ARFGEF3: variants seen among roughly 807,000 people sequenced by gnomAD.
ARFGEF3 encodes brefeldin A-inhibited guanine nucleotide-exchange protein 3.
In ARFGEF3, 96 loss-of-function variants were observed where a neutral mutation model predicts 221.7. The observed-to-expected ratio is 0.43, with a 90% CI of 0.37 to 0.51. ARFGEF3 has a LOEUF of 0.51. Among genes scored for constraint, ARFGEF3 ranks in the 20% least tolerant of loss-of-function variants. The pLI is 0.00. For synonymous variants in ARFGEF3, 1,145 were observed against 1,126.8 expected (o/e 1.02, Z -0.32); for missense variants, 2,410 against 2,789.9 (o/e 0.86, Z 3.07).
chr6:138,215,147 T>C (rs1164404329), intron 4 of ARFGEF3, among the ~76,000 whole-genome samples: 1 of 152,226 alleles, frequency 6.6e-6, no homozygotes, highest in Non-Finnish European at 1.5e-5. Flanking sequence ...TCTAATGACT[T>C]CTCTGACGAG....
chr6:138,286,219 G>A (rs1036643793), intron 15 of ARFGEF3, among the ~76,000 whole-genome samples, 166 bp downstream of exon 15: 6 of 152,220 alleles, frequency 3.9e-5, no homozygotes, highest in African/African-American at 1.2e-4. Flanking sequence ...GGGAGGCCGA[G>A]GCGGGCAGAT....
At chr6:138,319,383 T>C (rs937505247) in intron 27 of ARFGEF3, among the ~76,000 whole-genome samples, 2 of 151,972 alleles carry the variant, frequency 1.3e-5, no homozygotes, top group Non-Finnish European at 2.9e-5. Flanking sequence ...TTTCAAAGGG[T>C]ATTTTCTTAT....
Position 138,278,548 on chromosome 6 carries a change from G to C in ARFGEF3, c.2226G>C (p.Leu742=), listed in dbSNP as rs1779139634. ...DSLYTAAHCA[L]LLNLKLSHGD... ...TCTACACAGCTGCACACTGCGCCCT[G>C]CTCCTCAACCTGAAGCTCTCCCACG... is the stretch of plus-strand genomic sequence containing the variant. Residue 742 remains leucine, a synonymous_variant, in exon 13 of 34, where the codon CTG becomes CTC. Coordinates refer to ENST00000251691, the MANE Select transcript of ARFGEF3 (RefSeq NM_020340.5). The C allele has an allele frequency of 3.7e-6, 6 of 1,613,826 alleles. No homozygotes were observed. The highest frequency in any genetic ancestry group is 5.1e-6 in the Non-Finnish European group (6 of 1,179,898).
chr6:138,263,411 C>T lies in ARFGEF3; in HGVS notation c.1928C>T (p.Thr643Ile). 1.2e-6 allele frequency: 2 copies of T among 1,614,004 alleles called. No homozygotes were observed. The highest frequency in any genetic ancestry group is 1.7e-6 in the Non-Finnish European group (2 of 1,179,896). The change falls in exon 12 of 34, where the codon ACA becomes ATA. Residue 643 changes from threonine to isoleucine, a missense_variant. By Grantham distance (89) the Thr-to-Ile change is moderately conservative. Around this residue, in one of 5 missense-constraint regions of ARFGEF3, gnomAD observed 594 missense variants for 734.3 expected, o/e 0.81. Coordinates refer to ENST00000251691, the MANE Select transcript of ARFGEF3 (RefSeq NM_020340.5). ...DNCSLADEEQ[T>I]PRDCLGHRSL... The stretch of plus-strand genomic sequence containing the variant: ...TGTTCACTAGCCGATGAAGAGCAGA[C>T]ACCCCGGGACTGCCTAGGCCACCGG...
In ARFGEF3 at chr6:138,292,045, A is replaced by G. The variant is rs1235065435; in HGVS notation, c.3360A>G (p.Gln1120=). The change falls in exon 19 of 34, where the codon CAA becomes CAG. Residue 1120 remains glutamine (Q), a synonymous_variant. Coordinates refer to ENST00000251691, the MANE Select transcript of ARFGEF3 (RefSeq NM_020340.5). ...AGGTGGTGCTCACCCTCTCCACGCA[A>G]GCCGACAGGTGCGCGGCGCCGGCCT... The part of the protein sequence containing the change: ...AAKVVLTLST[Q]ADRLFEDATD... The G allele has an allele frequency of 4.8e-6, 7 of 1,444,402 alleles. No homozygotes were observed. The allele number at this position is 1,444,402 out of a possible 1,614,324, so 89.5% of individuals were successfully genotyped here. A position where few individuals can be genotyped will look rare whatever the true frequency, so the allele number is the denominator to read the frequency against.
Position 138,289,988 on chromosome 6 carries a change from C to A in ARFGEF3, c.3047+20C>A, listed in dbSNP as rs921220664. ...GTTCAGGTGCATGACGGGCTCCCAC[C>A]CCCAGATGGCACTAACCCTGCCTTG... On this transcript the variant is annotated intron_variant, in intron 18 of 33. Coordinates refer to ENST00000251691, the MANE Select transcript of ARFGEF3 (RefSeq NM_020340.5). 1.9e-6 allele frequency: 3 copies of A among 1,598,888 alleles called. No homozygotes were observed. Among genetic ancestry groups the A allele is most frequent in the African/African-American group, 2.7e-5 (2 of 74,550 alleles).
intron 2 of ARFGEF3, among the ~76,000 whole-genome samples, chr6:138,206,561 A>G (rs151059339): frequency 6.6e-6 from 1 of 152,304 alleles, no homozygotes; most frequent in Non-Finnish European, 1.5e-5. Context: ...GGAATTGACA[A>G]ACTAATAGAA....
At chr6:138,256,663 A>G (rs1228133777) in intron 10 of ARFGEF3, among the ~76,000 whole-genome samples, 1 of 152,250 alleles carries the variant, frequency 6.6e-6, no homozygotes, top group East Asian at 1.9e-4. Context: ...ATGACTGTTA[A>G]GAAAATCTAT....
At chr6:138,285,057 C>T (rs1369894380) in intron 14 of ARFGEF3, among the ~76,000 whole-genome samples, 1 of 152,184 alleles carries the variant, frequency 6.6e-6, no homozygotes, top group Non-Finnish European at 1.5e-5. Flanking sequence ...TTTTGTGGTG[C>T]AGGACTCTGT....
rs770643961 is a variant in ARFGEF3 at position 138,170,700 on chromosome 6, C to T, written c.124C>T (p.Pro42Ser). 35 of 1,580,986 alleles carry T rather than the reference C, an allele frequency of 2.2e-5. 1 individual carries two copies. The South Asian group carries it at 3.7e-4, about 17-fold the overall frequency. The change falls in exon 2 of 34, where the codon CCA becomes TCA. Residue 42 changes from proline (P) to serine (S), a missense_variant. By Grantham distance (74) the Pro-to-Ser change is moderately conservative. Around this residue, in one of 5 missense-constraint regions of ARFGEF3, gnomAD observed 570 missense variants for 586.9 expected, o/e 0.97. Transcript: ENST00000251691. The part of the protein sequence containing the change: ...GGLDTIVKIP[P>S]HVLREKCLLP... ...TCTGGATACCATTGTCAAGATCCCT[C>T]CACATGTACTGAGGTAGGAGATGGA...
At chr6:138,253,255 G>A (rs2114573446) in intron 8 of ARFGEF3, among the ~76,000 whole-genome samples, 1 of 152,008 alleles carries the variant, frequency 6.6e-6, no homozygotes, top group Admixed American at 6.6e-5. Context: ...TATGATAAAT[G>A]TTTCATGGTC....
At position 138,336,791 on chromosome 6, in the gene ARFGEF3, C is replaced by T. The variant is rs1251527134; in HGVS notation, c.*305C>T. On this transcript the variant is annotated 3_prime_UTR_variant, in exon 34 of 34. Transcript: ENST00000251691. ...CAGTGCTTTTGCTTACAGTGTTGTC[C>T]CCAAATGGGTCATTTTCAAGGATTA... 2 of 200,784 alleles carry T rather than the reference C, an allele frequency of 1.0e-5. No homozygotes were observed. Among genetic ancestry groups the T allele is most frequent in the African/African-American group, 4.6e-5 (2 of 43,330 alleles). The allele number at this position is 200,784 out of a possible 1,614,324, so 12.4% of individuals were successfully genotyped here. A position where few individuals can be genotyped will look rare whatever the true frequency, so the allele number is the denominator to read the frequency against.
chr6:138,212,656 G>T (rs1777753128), intron 4 of ARFGEF3, among the ~76,000 whole-genome samples: 1 of 152,190 alleles, frequency 6.6e-6, no homozygotes, highest in African/African-American at 2.4e-5. Context: ...ACTGGATTAA[G>T]AAAATATGGC....
intron 31 of ARFGEF3, among the ~76,000 whole-genome samples, chr6:138,327,142 G>A (rs1780140035): frequency 6.6e-6 from 1 of 152,168 alleles, no homozygotes; most frequent in Non-Finnish European, 1.5e-5. Context: ...AGCAAGAACA[G>A]CTAATGCATG....
chr6:138,282,826 A>T (rs1352402971), intron 14 of ARFGEF3, among the ~76,000 whole-genome samples: 1 of 152,186 alleles, frequency 6.6e-6, no homozygotes, highest in African/African-American at 2.4e-5. Flanking sequence ...AGGCGGGTGG[A>T]TCACTTGAGG....
intron 20 of ARFGEF3, among the ~76,000 whole-genome samples, chr6:138,295,527 G>A (rs1293923918): frequency 6.6e-6 from 1 of 151,590 alleles, no homozygotes; most frequent in Non-Finnish European, 1.5e-5. Context: ...CTACTCGGGA[G>A]GCTGAGACAG....
At chr6:138,240,786 G>A (rs1024036005) in intron 6 of ARFGEF3, among the ~76,000 whole-genome samples, 3 of 152,240 alleles carry the variant, frequency 2.0e-5, no homozygotes, top group South Asian at 2.1e-4. Context: ...AAGTTTTGCC[G>A]CATAAGAATT....
intron 4 of ARFGEF3, among the ~76,000 whole-genome samples, chr6:138,219,459 A>C (rs1777938006): frequency 6.6e-6 from 1 of 152,204 alleles, no homozygotes; most frequent in Non-Finnish European, 1.5e-5. Flanking sequence ...AGCAGAACCA[A>C]GTCTTTGGCA....
In ARFGEF3 at chr6:138,336,291, T is replaced by G; in HGVS notation, c.6343-4T>G. 6.6e-7 allele frequency: 1 copy of G among 1,522,008 alleles called. No homozygotes were observed. Among genetic ancestry groups the G allele is most frequent in the Non-Finnish European group, 8.9e-7 (1 of 1,129,382 alleles). 94.3% of individuals were successfully genotyped at this position (1,522,008 alleles called of 1,614,324 possible). ...CACTGATTTTCTTAAATCTTTTCTC[T>G]TAGGCATGGACCAACATGGTGCTAA... On this transcript the variant is annotated splice_region_variant and splice_polypyrimidine_tract_variant and intron_variant, in intron 33 of 33. Coordinates refer to ENST00000251691, the MANE Select transcript of ARFGEF3 (RefSeq NM_020340.5).
Sources: gnomAD v4.1 joint callset for allele counts (sites outside exome capture counted in the v4.1 genomes callset) on GRCh38, gnomAD v4.1.1 for gene constraint, gnomAD v4.1.1 regional missense constraint, MANE v1.5 for transcripts, NCBI Gene and HGNC (gene_info 2026-07-23, HGNC 2026-07-21) for gene names.